PRKG1: variants seen among roughly 807,000 people sequenced by gnomAD.
PRKG1 encodes protein kinase cGMP-dependent 1, also known as cGMP-dependent protein kinase 1.
Under a neutral mutation model 88.1 loss-of-function variants are expected in PRKG1, and 35 were observed. That is an observed-to-expected ratio of 0.40 (90% CI 0.30 to 0.53). The LOEUF (loss-of-function observed/expected upper bound fraction) is 0.53. PRKG1 is among the 20% of genes least tolerant of loss of function. The pLI is 0.59. For missense variants in PRKG1, 540 were observed against 839.8 expected (o/e 0.64, Z 4.41); for synonymous variants, 303 against 292.5 (o/e 1.04, Z -0.37).
intron 3 of PRKG1, among the ~76,000 whole-genome samples, chr10:51,680,312 C>T (rs890682467): frequency 6.6e-6 from 1 of 152,140 alleles, no homozygotes; most frequent in Non-Finnish European, 1.5e-5. Flanking sequence ...ATACTTAAAC[C>T]CCAAAATCTT....
chr10:51,023,539 C>T (rs760024386), intron 1 of PRKG1, among the ~76,000 whole-genome samples: 1 of 152,142 alleles, frequency 6.6e-6, no homozygotes, highest in Non-Finnish European at 1.5e-5. Context: ...GACCTGTGCA[C>T]CTATATTATC....
chr10:52,167,972 T>C (rs910100598), intron 9 of PRKG1, among the ~76,000 whole-genome samples: 2 of 152,212 alleles, frequency 1.3e-5, no homozygotes, highest in African/African-American at 4.8e-5. Flanking sequence ...TTTTCATCTG[T>C]AATATCCCTT....
chr10:51,958,777 T>C (rs1192239421), intron 5 of PRKG1, among the ~76,000 whole-genome samples: 1 of 152,154 alleles, frequency 6.6e-6, no homozygotes, highest in African/African-American at 2.4e-5. Flanking sequence ...CTACAGTGCA[T>C]GGCCAGAACT....
chr10:51,534,747 C>T (rs1842104770), intron 3 of PRKG1, among the ~76,000 whole-genome samples: 1 of 150,386 alleles, frequency 6.6e-6, no homozygotes, highest in Non-Finnish European at 1.5e-5. Flanking sequence ...ATAAAATAGC[C>T]AAGAATGACA....
chr10:51,039,985 A>C (rs1169995806), intron 1 of PRKG1, among the ~76,000 whole-genome samples: 2 of 152,094 alleles, frequency 1.3e-5, no homozygotes, highest in Non-Finnish European at 2.9e-5. Flanking sequence ...ATAGCTCTGT[A>C]ATATAATTTG....
At chr10:51,447,158 G>A (rs1322346293) in intron 2 of PRKG1, among the ~76,000 whole-genome samples, 1 of 151,944 alleles carries the variant, frequency 6.6e-6, no homozygotes, top group Non-Finnish European at 1.5e-5. Context: ...TGGTCATTTA[G>A]GTCAAATAAA....
chr10:51,211,976 A>G (rs941640110), intron 2 of PRKG1, among the ~76,000 whole-genome samples: 1 of 152,248 alleles, frequency 6.6e-6, no homozygotes, highest in Admixed American at 6.5e-5. Context: ...TTTAAAGTTC[A>G]TATGGAACCA....
chr10:51,529,162 A>G (rs1841954660), intron 3 of PRKG1, among the ~76,000 whole-genome samples: 1 of 152,054 alleles, frequency 6.6e-6, no homozygotes, highest in South Asian at 2.1e-4. Context: ...CCCATGTCCA[A>G]TACACCAACA....
chr10:51,653,472 A>C (rs1013611457), intron 3 of PRKG1, among the ~76,000 whole-genome samples: 1 of 152,088 alleles, frequency 6.6e-6, no homozygotes, highest in Non-Finnish European at 1.5e-5. Context: ...GATATTTAGC[A>C]ATTTTTCGTA....
intron 1 of PRKG1, among the ~76,000 whole-genome samples, chr10:51,058,832 G>A (rs1328627578): frequency 1.3e-5 from 2 of 152,014 alleles, no homozygotes; most frequent in African/African-American, 4.8e-5. Flanking sequence ...TAGAATTATT[G>A]TATATCACAC....
intron 3 of PRKG1, among the ~76,000 whole-genome samples, chr10:51,707,405 C>T (rs918888597): frequency 3.9e-5 from 6 of 152,042 alleles, no homozygotes; most frequent in South Asian, 2.1e-4. Context: ...CACTGGCAGA[C>T]GTAGGCCATT....
At chr10:52,113,230 A>C (rs1177419939) in intron 7 of PRKG1, among the ~76,000 whole-genome samples, 1 of 152,206 alleles carries the variant, frequency 6.6e-6, no homozygotes, top group Non-Finnish European at 1.5e-5. Flanking sequence ...ATGAAATAAA[A>C]GTTTGTTGCT....
At chr10:51,028,708 A>G (rs1843241292) in intron 1 of PRKG1, among the ~76,000 whole-genome samples, 2 of 152,132 alleles carry the variant, frequency 1.3e-5, no homozygotes. Flanking sequence ...TGGCTCAAAT[A>G]AGTAAGAAGC....
At chr10:52,028,650 C>T (rs1202068345) in intron 5 of PRKG1, among the ~76,000 whole-genome samples, 3 of 152,150 alleles carry the variant, frequency 2.0e-5, no homozygotes, top group Non-Finnish European at 4.4e-5. Flanking sequence ...GTTCCAATAC[C>T]TAGTTTATTT....
chr10:51,051,920 C>T (rs1843566871), intron 1 of PRKG1, among the ~76,000 whole-genome samples: 1 of 152,026 alleles, frequency 6.6e-6, no homozygotes, highest in Non-Finnish European at 1.5e-5. Flanking sequence ...CTAACTAACA[C>T]ATGTGGGTAG....
At chr10:52,086,431 G>A (rs1846916798) in intron 7 of PRKG1, among the ~76,000 whole-genome samples, 1 of 139,216 alleles carries the variant, frequency 7.2e-6, no homozygotes, top group Admixed American at 7.6e-5. Context: ...TTTTGAGACA[G>A]TCTCGCTCTA....
intron 3 of PRKG1, among the ~76,000 whole-genome samples, chr10:51,719,369 A>C (rs1001864411): frequency 4.6e-5 from 7 of 152,214 alleles, no homozygotes; most frequent in African/African-American, 1.7e-4. Flanking sequence ...ATGTTACCCA[A>C]CATGATCTGA....
At chr10:52,186,464 A>ATT (rs144956784) in intron 9 of PRKG1, among the ~76,000 whole-genome samples, 9 of 151,882 alleles carry the variant, frequency 5.9e-5, no homozygotes, top group African/African-American at 2.2e-4. Context: ...TTCATGAAGG[A>ATT]TTTTCCCCCA....
intron 2 of PRKG1, among the ~76,000 whole-genome samples, chr10:51,359,853 C>G (rs930273216): frequency 6.6e-6 from 1 of 152,030 alleles, no homozygotes; most frequent in East Asian, 1.9e-4. Flanking sequence ...AGAACTAGTT[C>G]TTTAATGCAG....
Sources: allele counts gnomAD v4.1 joint callset (sites outside exome capture counted in the v4.1 genomes callset), GRCh38; gene constraint gnomAD v4.1.1; transcripts MANE v1.5; gene names NCBI Gene and HGNC (gene_info 2026-07-23, HGNC 2026-07-21).